Variants in AXIN1 observed in about 807,000 individuals in gnomAD.
AXIN1 encodes the protein axin-1.
A neutral mutation model predicts 76.4 loss-of-function variants in AXIN1; 30 were observed. The observed-to-expected ratio is 0.39, with a 90% confidence interval of 0.29 to 0.53. The LOEUF (loss-of-function observed/expected upper bound fraction) is 0.53, where lower values mean the gene tolerates loss of function less well. AXIN1 is among the 20% of genes least tolerant of loss of function. The pLI is 0.66. For missense variants in AXIN1, 1,140 were observed against 1,198.8 expected, an observed-to-expected ratio of 0.95 and a Z score of 0.72; for synonymous variants, 545 against 501.4, an observed-to-expected ratio of 1.09 and a Z score of -1.16.
chr16:345,157 C>T (rs1171926937), intron 2 of AXIN1, among the ~76,000 whole-genome samples: 2 of 151,428 alleles, frequency 1.3e-5, no homozygotes, highest in Admixed American at 1.3e-4. Context: ...AACGAAGAAA[C>T]AGGTTCCAAG....
At chr16:344,808 T>A (rs1205389103) in intron 2 of AXIN1, among the ~76,000 whole-genome samples, 1 of 152,216 alleles carries the variant, frequency 6.6e-6, no homozygotes, top group Non-Finnish European at 1.5e-5. Flanking sequence ...TCTTAAATCG[T>A]ATCACTTAGA....
At chr16:299,126 T>C in intron 5 of AXIN1, 2 of 985,476 alleles carry the variant, frequency 2.0e-6, no homozygotes, top group Non-Finnish European at 2.4e-6. Context: ...GTACATGTTG[T>C]GATGCTGCCT....
In AXIN1 at chr16:297,041, G is replaced by T; in HGVS notation, c.1955+15C>A. ...AAGCAGGCCCCACGAGGCTGGCTGCGTGCGGGGTGCTCACCCGTGGCCGGT... is the reference window on the plus strand; with the variant it reads ...AAGCAGGCCCCACGAGGCTGGCTGCTTGCGGGGTGCTCACCCGTGGCCGGT... On this transcript the variant is annotated intron_variant, in intron 7 of 10. Coordinates refer to ENST00000262320, the MANE Select transcript of AXIN1 (RefSeq NM_003502.4). 6.2e-7 allele frequency: 1 copy of T among 1,608,992 alleles called. No homozygotes were observed. Among genetic ancestry groups the T allele is most frequent in the Non-Finnish European group, 8.5e-7 (1 of 1,179,826 alleles).
chr16:303,630 C>T (rs2052934988), intron 5 of AXIN1, among the ~76,000 whole-genome samples: 1 of 152,116 alleles, frequency 6.6e-6, no homozygotes, highest in African/African-American at 2.4e-5. Context: ...GATCCGCCCG[C>T]CTCGGCCTCC....
rs1351469550 is a variant in AXIN1 at position 289,571 on chromosome 16, G to A, written c.2331C>T (p.Ala777=). 6.2e-7 allele frequency: 1 copy of A among 1,612,942 alleles called. No homozygotes were observed. The highest frequency in any genetic ancestry group is 1.7e-5 in the Admixed American group (1 of 59,990). ...RSQRKVGGGS[A]QPCDSIVVAY... ...CCACAACGATGCTGTCACACGGCTGGGCACTCCCGCCGCCCACCTTCCTCT... is the reference window on the plus strand; with the variant it reads ...CCACAACGATGCTGTCACACGGCTGAGCACTCCCGCCGCCCACCTTCCTCT... Residue 777 remains alanine (A), a synonymous_variant, in exon 10 of 11, where the codon GCC becomes GCT. Coordinates refer to ENST00000262320, the MANE Select transcript of AXIN1 (RefSeq NM_003502.4).
chr16:325,072 C>A (rs767572923), intron 2 of AXIN1, among the ~76,000 whole-genome samples: 1 of 151,972 alleles, frequency 6.6e-6, no homozygotes, highest in East Asian at 1.9e-4. Flanking sequence ...CTCAGCCCCG[C>A]GGGCGCGCCC....
At chr16:303,902 T>G (rs2141542418) in intron 5 of AXIN1, among the ~76,000 whole-genome samples, 1 of 152,320 alleles carries the variant, frequency 6.6e-6, no homozygotes, top group South Asian at 2.1e-4. Flanking sequence ...AGCCCCCGAC[T>G]GCACGCCACT....
At chr16:344,035 A>T (rs2053983177) in intron 2 of AXIN1, among the ~76,000 whole-genome samples, 1 of 151,790 alleles carries the variant, frequency 6.6e-6, no homozygotes. Flanking sequence ...AGAAAGAAAG[A>T]AACTCTCAGT....
chr16:310,113 G>A (rs1293065772), intron 3 of AXIN1, 44 bp from the exon 4 acceptor site: 2 of 1,555,824 alleles, frequency 1.3e-6, no homozygotes, highest in Non-Finnish European at 1.7e-6. Context: ...AGAGGAGCAG[G>A]AGGGCCAGCA....
At position 298,158 on chromosome 16, in the gene AXIN1, G is replaced by A. The variant is rs374481133; in HGVS notation, c.1348C>T (p.Arg450Cys). 18 of 1,543,158 alleles carry A rather than the reference G, an allele frequency of 1.2e-5. No homozygotes were observed. In the East Asian group the frequency reaches 3.2e-4, roughly 27 times the overall value. ...CCGGCACAGCCCATGTCCACACAGCGGGGCGGGAAGTGGTGCCAAGCGGGG... is the reference window on the plus strand; with the variant it reads ...CCGGCACAGCCCATGTCCACACAGCAGGGCGGGAAGTGGTGCCAAGCGGGG... ...PAPAWHHFPPRCVDMGCAGLR... is the reference protein window; with the variant it reads ...PAPAWHHFPPCCVDMGCAGLR... Residue 450 changes from arginine to cysteine, a missense_variant, in exon 6 of 11, where the codon CGC becomes TGC. Arg to Cys is a radical substitution (Grantham distance 180, BLOSUM62 -3). Coordinates refer to ENST00000262320, the MANE Select transcript of AXIN1 (RefSeq NM_003502.4).
At chr16:304,484 C>T (rs1358903318) in intron 4 of AXIN1, 43 bp from the exon 5 acceptor site, 6 of 1,611,566 alleles carry the variant, frequency 3.7e-6, no homozygotes, top group South Asian at 1.1e-5. Flanking sequence ...TGAAAGGTCA[C>T]AGGCTAAACA....
chr16:289,618 A>G lies in AXIN1; in HGVS notation c.2295-11T>C, dbSNP rs1263777265. 12 of 1,612,400 alleles carry G rather than the reference A, an allele frequency of 7.4e-6. No individual in the cohort carries two copies. The highest frequency in any genetic ancestry group is 1.0e-5 in the Non-Finnish European group (12 of 1,179,866). On this transcript the variant is annotated splice_polypyrimidine_tract_variant and intron_variant, in intron 9 of 10. Transcript: ENST00000262320. ...CTCTGCGATCTTGTCCTGGGGAAAGAGATGCAGCGGTGGTACCTGGTTTTG... is the reference window on the plus strand; with the variant it reads ...CTCTGCGATCTTGTCCTGGGGAAAGGGATGCAGCGGTGGTACCTGGTTTTG...
chr16:348,777 C>A (rs1284485948), intron 1 of AXIN1, among the ~76,000 whole-genome samples: 1 of 151,128 alleles, frequency 6.6e-6, no homozygotes. Flanking sequence ...GCACTCCAGC[C>A]TGGGCAACAG....
At position 320,504 on chromosome 16, in the gene AXIN1, A is replaced by G. The variant is rs182051666; in HGVS notation, c.879-5821T>C. ...TATGATGCTTCGCTGTGATGGTTTCATGGAGAAATTTAGAAACAGGTCAAG... is the reference window on the plus strand; with the variant it reads ...TATGATGCTTCGCTGTGATGGTTTCGTGGAGAAATTTAGAAACAGGTCAAG... On this transcript the variant is annotated intron_variant, in intron 2 of 10. Transcript: ENST00000262320. Among the ~76,000 whole-genome samples the G allele has an allele frequency of 2.4e-3, 372 of 152,238 alleles. 1 individual carries two copies. Among genetic ancestry groups the G allele is most frequent in the Non-Finnish European group, 3.3e-3 (224 of 68,016 alleles).
intron 2 of AXIN1, among the ~76,000 whole-genome samples, chr16:331,237 T>C (rs1033596059): frequency 1.4e-4 from 20 of 140,860 alleles, no homozygotes; most frequent in South Asian, 2.5e-4. Flanking sequence ...GTAAAAATTC[T>C]GTACATGAAA....
intron 2 of AXIN1, among the ~76,000 whole-genome samples, chr16:343,127 C>T (rs1448796301): frequency 6.6e-6 from 1 of 152,216 alleles, no homozygotes; most frequent in Non-Finnish European, 1.5e-5. Context: ...GCCCCAGGGT[C>T]CTCTGCCACC....
chr16:291,619 G>A (rs1029897113), intron 8 of AXIN1: 11 of 438,024 alleles, frequency 2.5e-5, no homozygotes, highest in South Asian at 4.2e-5. Flanking sequence ...ATGACATCTC[G>A]TCCCGAGAGT....
chr16:287,599 A>C lies in AXIN1; in HGVS notation c.*523T>G, dbSNP rs1475990810. The C allele has an allele frequency of 6.2e-6, 2 of 321,236 alleles. No homozygotes were observed. Among genetic ancestry groups the C allele is most frequent in the African/African-American group, 4.2e-5 (2 of 48,114 alleles). The allele number at this position is 321,236 out of a possible 1,614,324, so 19.9% of individuals were successfully genotyped here. On this transcript the variant is annotated 3_prime_UTR_variant, in exon 11 of 11. Coordinates refer to ENST00000262320, the MANE Select transcript of AXIN1 (RefSeq NM_003502.4). ...CACGGGCCCTCAGAAAGGAGGACCC[A>C]GGACTGCACAGCCGGCGGCTGGAGG...
At chr16:288,392 C>G in intron 10 of AXIN1, 144 bp from the exon 11 acceptor site, 1 of 1,222,592 alleles carries the variant, frequency 8.2e-7, no homozygotes, top group South Asian at 1.3e-5. Context: ...TGCGCCCCCT[C>G]CCAGGGCAAC....
Sources: allele counts gnomAD v4.1 joint callset (sites outside exome capture counted in the v4.1 genomes callset), GRCh38; gene constraint gnomAD v4.1.1; transcripts MANE v1.5; gene names NCBI Gene and HGNC (gene_info 2026-07-23, HGNC 2026-07-21).